The following NMU variants were observed in gnomAD, a reference collection of about 807,000 sequenced individuals.
NMU encodes the protein neuromedin U, also known as neuromedin-U.
In NMU, 29 loss-of-function variants were observed where a neutral mutation model predicts 35.4. The ratio of observed to expected loss-of-function variants is 0.82; its 90% CI spans 0.61 to 1.12. The LOEUF (loss-of-function observed/expected upper bound fraction) is 1.12. Ranked by LOEUF, NMU falls within the 50% of genes most tolerant of loss-of-function variation. NMU has a pLI of 0.00. For missense variants in NMU, 199 were observed against 206.2 expected, an observed-to-expected ratio of 0.97 and a Z score of 0.21; for synonymous variants, 78 against 81.3, an observed-to-expected ratio of 0.96 and a Z score of 0.22.
At chr4:55,625,922 G>C (rs1200317371) in intron 2 of NMU, among the ~76,000 whole-genome samples, 4 of 151,868 alleles carry the variant, frequency 2.6e-5, no homozygotes, top group Non-Finnish European at 5.9e-5. Flanking sequence ...ACAGACAGCT[G>C]GGTTTCCTCC....
chr4:55,627,159 A>G (rs1432808269), intron 2 of NMU, among the ~76,000 whole-genome samples: 3 of 152,146 alleles, frequency 2.0e-5, no homozygotes, highest in Non-Finnish European at 2.9e-5. Context: ...CCAAAGGGAT[A>G]TGACAGGTAC....
chr4:55,630,103 A>G (rs1734698223), intron 2 of NMU, among the ~76,000 whole-genome samples: 1 of 152,024 alleles, frequency 6.6e-6, no homozygotes, highest in Non-Finnish European at 1.5e-5. Flanking sequence ...TTCTGGATCT[A>G]TTAAAAAAAT....
chr4:55,608,745 A>G (rs570919509), intron 4 of NMU, among the ~76,000 whole-genome samples: 1 of 152,238 alleles, frequency 6.6e-6, no homozygotes, highest in East Asian at 1.9e-4. Flanking sequence ...TCTCCCACAA[A>G]GTACAATGTC....
At chr4:55,599,432 C>T (rs1400168193) in intron 8 of NMU, among the ~76,000 whole-genome samples, 1 of 152,096 alleles carries the variant, frequency 6.6e-6, no homozygotes, top group East Asian at 1.9e-4. Context: ...GAACTAGATG[C>T]TATTTGACTT....
intron 1 of NMU, among the ~76,000 whole-genome samples, chr4:55,632,142 T>C (rs895536678): frequency 6.6e-6 from 1 of 151,880 alleles, no homozygotes; most frequent in African/African-American, 2.4e-5. Flanking sequence ...TAATGGACTT[T>C]GGGGACTCGG....
chr4:55,636,314 C>G (rs1003004641), upstream of NMU: 1 of 1,328,498 alleles, frequency 7.5e-7, no homozygotes, highest in African/African-American at 1.6e-5. This position sits in a 1 kb window ranked among gnomAD's most constrained non-coding sequence, Gnocchi z 4.0. Context: ...CCCGGCGAGC[C>G]GCCAACTTTT....
rs567838162 is a variant in NMU at position 55,633,063 on chromosome 4, A to G, written c.113-2603T>C. ...ATCCTGGCTGGGTGCAGTGGCTCAC[A>G]CCTGTAATCCCAGCACTTTGAGAGG... On this transcript the variant is annotated intron_variant, in intron 1 of 9. Transcript: ENST00000264218. Among the ~76,000 whole-genome samples, 1,006 of 151,364 alleles carry G rather than the reference A, an allele frequency of 6.6e-3. 11 individuals are homozygous for G. Among genetic ancestry groups the G allele is most frequent in the African/African-American group, 0.022 (894 of 41,296 alleles).
intron 7 of NMU, among the ~76,000 whole-genome samples, chr4:55,602,771 T>G (rs1733477083): frequency 6.6e-6 from 1 of 152,222 alleles, no homozygotes; most frequent in African/African-American, 2.4e-5. Flanking sequence ...ATCTTACATT[T>G]CTCTTTACAG....
At chr4:55,598,670 A>G (rs1030115690) in intron 9 of NMU, among the ~76,000 whole-genome samples, 2 of 152,224 alleles carry the variant, frequency 1.3e-5, no homozygotes, top group African/African-American at 4.8e-5. Flanking sequence ...AATATTCTCT[A>G]GAAACTGGTA....
intron 2 of NMU, among the ~76,000 whole-genome samples, chr4:55,627,184 A>C (rs1178648718): frequency 1.3e-5 from 2 of 152,040 alleles, no homozygotes; most frequent in African/African-American, 2.4e-5. Flanking sequence ...GGTGACTGCT[A>C]TTCTCTCCAA....
chr4:55,607,068 G>A (rs1733710614), intron 6 of NMU, among the ~76,000 whole-genome samples: 1 of 152,072 alleles, frequency 6.6e-6, no homozygotes. Flanking sequence ...CTAATACTTT[G>A]TAAATAACTG....
intron 7 of NMU, among the ~76,000 whole-genome samples, chr4:55,601,954 G>A (rs1048469198): frequency 3.3e-5 from 5 of 151,918 alleles, no homozygotes; most frequent in Admixed American, 2.0e-4. Context: ...CCATGATCAC[G>A]TCACTGCACT....
rs116210531 is a variant in NMU, at chr4:55,628,004, T to C, written c.171+2398A>G. ...CTTTAGATACATTTACTGTGTAAGA[T>C]AGTAAGCAGGCCTTGGCCAGTGATA... is the stretch of plus-strand genomic sequence containing the variant. On this transcript the variant is annotated intron_variant, in intron 2 of 9. Coordinates refer to ENST00000264218, the MANE Select transcript of NMU (RefSeq NM_006681.4). Among the ~76,000 whole-genome samples the C allele has an allele frequency of 3.0e-3, 454 of 152,356 alleles. 2 individuals are homozygous for C. Among genetic ancestry groups the C allele is most frequent in the African/African-American group, 0.01 (419 of 41,584 alleles).
intron 7 of NMU, among the ~76,000 whole-genome samples, chr4:55,603,923 AAAAAT>A (rs1329182875): frequency 0.019 from 1,436 of 76,172 alleles, 181 homozygotes; most frequent in African/African-American, 0.071. Context: ...AAAAAAAAAA[AAAAAT>A]ATATATATAT....
chr4:55,600,409 C>A, intron 8 of NMU, 113 bp downstream of exon 8: 1 of 733,574 alleles, frequency 1.4e-6, no homozygotes, highest in South Asian at 1.7e-5. Flanking sequence ...ACACCTGATG[C>A]CAAACATCTA....
chr4:55,627,455 T>C (rs924843867), intron 2 of NMU, among the ~76,000 whole-genome samples: 5 of 151,956 alleles, frequency 3.3e-5, no homozygotes, highest in Admixed American at 2.6e-4. Flanking sequence ...GGGATTTATA[T>C]TAATTAATGA....
At chr4:55,599,104 A>G (rs73236157) in intron 9 of NMU, 38 bp downstream of exon 9, 94,852 of 1,376,468 alleles carry the variant, frequency 0.069, 3,781 homozygotes, top group Non-Finnish European at 0.081. Flanking sequence ...AATGCATACT[A>G]TTTTATTTAT....
At chr4:55,608,761 C>T (rs1436735357) in intron 4 of NMU, among the ~76,000 whole-genome samples, 1 of 151,866 alleles carries the variant, frequency 6.6e-6, no homozygotes. Context: ...ATGTCCTGAC[C>T]TTTGAACCAT....
chr4:55,603,926 A>AAT (rs766633520), intron 7 of NMU, among the ~76,000 whole-genome samples: 4 of 43,488 alleles, frequency 9.2e-5, no homozygotes, highest in South Asian at 9.6e-4. Context: ...AAAAAAAAAA[A>AAT]ATATATATAT....
Sources: gnomAD v4.1 joint callset for allele counts (sites outside exome capture counted in the v4.1 genomes callset) on GRCh38, gnomAD v4.1.1 for gene constraint, Gnocchi (gnomAD v3.1) non-coding constraint, MANE v1.5 for transcripts, NCBI Gene and HGNC (gene_info 2026-07-23, HGNC 2026-07-21) for gene names.